FTO: variants seen among roughly 807,000 people sequenced by gnomAD.
FTO encodes the protein alpha-ketoglutarate-dependent dioxygenase FTO.
In FTO, 47 loss-of-function variants were observed where a neutral mutation model predicts 63.9. The observed-to-expected ratio is 0.74, with a 90% CI of 0.58 to 0.94. The LOEUF is 0.94. Among genes scored for constraint, FTO ranks in the 40% least tolerant of loss-of-function variants. The probability of loss-of-function intolerance (pLI) is 0.00; values close to 1 mark genes in which losing one functional copy is unlikely to be tolerated. For missense variants in FTO, 562 were observed against 618.1 expected, an observed-to-expected ratio of 0.91 and a Z score of 0.96; for synonymous variants, 207 against 224.4, an observed-to-expected ratio of 0.92 and a Z score of 0.69.
chr16:53,772,041 T>C (rs960327327), intron 1 of FTO, among the ~76,000 whole-genome samples: 1 of 152,132 alleles, frequency 6.6e-6, no homozygotes, highest in Non-Finnish European at 1.5e-5. Flanking sequence ...GTGGTGACGA[T>C]TGCATAACTC....
intron 8 of FTO, among the ~76,000 whole-genome samples, chr16:54,107,654 C>CT (rs56077980): frequency 0.26 from 38,960 of 152,094 alleles, 5,609 homozygotes; most frequent in Middle Eastern, 0.4. Flanking sequence ...CAGGAAATAA[C>CT]TGACAGCAAG....
At chr16:53,810,269 T>TTA (rs1186815508) in intron 2 of FTO, 52 bp downstream of exon 2, 1 of 1,278,364 alleles carries the variant, frequency 7.8e-7, no homozygotes, top group African/African-American at 1.5e-5. Context: ...CTGATCAACC[T>TTA]TATTTTACCT....
intron 8 of FTO, chr16:54,070,600 T>G (rs142142348): frequency 6.6e-6 from 1 of 152,202 alleles, no homozygotes; most frequent in African/African-American, 2.4e-5. Flanking sequence ...TTCTTACTTA[T>G]AGGGTCAAAA....
chr16:53,902,636 G>A (rs909807526), intron 7 of FTO, among the ~76,000 whole-genome samples: 2 of 152,128 alleles, frequency 1.3e-5, no homozygotes, highest in Non-Finnish European at 2.9e-5. Context: ...CTCCTTCTCT[G>A]GCAGCATCCT....
intron 8 of FTO, among the ~76,000 whole-genome samples, chr16:54,062,930 T>G (rs980634010): frequency 1.3e-5 from 2 of 152,220 alleles, no homozygotes; most frequent in Admixed American, 6.5e-5. Context: ...AGAGATGGAC[T>G]GCAACCCCAG....
intron 3 of FTO, among the ~76,000 whole-genome samples, chr16:53,829,537 A>C (rs1436424212): frequency 6.6e-6 from 1 of 152,268 alleles, no homozygotes; most frequent in Non-Finnish European, 1.5e-5. Context: ...AATCCTTGGC[A>C]GAATGCCAGA....
Position 53,880,004 on chromosome 16 carries a change from T to A in FTO, c.1119+17T>A. ...CATAATGAGGTAAGGACTTTCTTTT[T>A]TTTTTTTTGAGATGGAGTCTCGCTC... On this transcript the variant is annotated intron_variant, in intron 6 of 8. Coordinates refer to ENST00000471389, the MANE Select transcript of FTO (RefSeq NM_001080432.3). 1 of 1,607,754 alleles carries A rather than the reference T, an allele frequency of 6.2e-7. No homozygotes were observed. Among genetic ancestry groups the A allele is most frequent in the Non-Finnish European group, 8.5e-7 (1 of 1,175,556 alleles).
intron 8 of FTO, among the ~76,000 whole-genome samples, chr16:54,019,805 A>T (rs532757859): frequency 9.2e-5 from 14 of 152,200 alleles, no homozygotes; most frequent in Admixed American, 2.0e-4. Flanking sequence ...ACTTTGAATT[A>T]CTCAGGCTCT....
intron 1 of FTO, among the ~76,000 whole-genome samples, chr16:53,758,855 A>G (rs888741443): frequency 8.5e-5 from 13 of 152,244 alleles, no homozygotes; most frequent in African/African-American, 3.1e-4. Flanking sequence ...CACACTGTTA[A>G]TTTTGTTAGT....
At chr16:54,011,817 G>A (rs1295421329) in intron 8 of FTO, among the ~76,000 whole-genome samples, 3 of 152,064 alleles carry the variant, frequency 2.0e-5, no homozygotes, top group African/African-American at 7.2e-5. Context: ...TTGTTTTGGG[G>A]CACAATGACC....
chr16:53,927,882 A>C (rs2082185738), intron 7 of FTO, among the ~76,000 whole-genome samples: 2 of 152,248 alleles, frequency 1.3e-5, no homozygotes, highest in Admixed American at 1.3e-4. Context: ...GTGATTGTTC[A>C]GTGGTTGCCT....
intron 2 of FTO, among the ~76,000 whole-genome samples, chr16:53,815,537 G>T (rs2078650837): frequency 1.3e-5 from 2 of 149,962 alleles, no homozygotes; most frequent in South Asian, 4.2e-4. Flanking sequence ...GAACTGACTT[G>T]TACCTCCTTG....
chr16:54,051,265 C>T (rs932593904), intron 8 of FTO, among the ~76,000 whole-genome samples: 1 of 152,042 alleles, frequency 6.6e-6, no homozygotes, highest in Admixed American at 6.5e-5. Context: ...CCCAGCTGGC[C>T]GGTGTCATGG....
At chr16:53,926,615 C>T (rs12932428) in intron 7 of FTO, among the ~76,000 whole-genome samples, 82,882 of 152,064 alleles carry the variant, frequency 0.55, 23,146 homozygotes, top group East Asian at 0.85. Context: ...GGTGGAAGGA[C>T]GTAGTTTGTG....
chr16:54,009,014 C>A (rs2084278160), intron 8 of FTO, among the ~76,000 whole-genome samples: 1 of 151,500 alleles, frequency 6.6e-6, no homozygotes, highest in African/African-American at 2.4e-5. Context: ...CCTGTCCCCC[C>A]CCCAAAAAAA....
chr16:53,924,913 T>G (rs1200864968), intron 7 of FTO, among the ~76,000 whole-genome samples: 1 of 152,090 alleles, frequency 6.6e-6, no homozygotes, highest in Non-Finnish European at 1.5e-5. Flanking sequence ...AAGGCATCAC[T>G]CAGCATTGAG....
chr16:53,707,205 G>A (rs2075645405), intron 1 of FTO, among the ~76,000 whole-genome samples: 1 of 152,172 alleles, frequency 6.6e-6, no homozygotes, highest in Non-Finnish European at 1.5e-5. Context: ...AGGACTCTAG[G>A]GGAAACTCCT....
At chr16:53,909,544 T>G in intron 7 of FTO, among the ~76,000 whole-genome samples, 1 of 143,088 alleles carries the variant, frequency 7.0e-6, no homozygotes, top group Non-Finnish European at 1.5e-5. Flanking sequence ...TTTTTTTTTT[T>G]TTTTTTTTTT....
chr16:54,055,442 G>A (rs2085409581), intron 8 of FTO, among the ~76,000 whole-genome samples: 3 of 152,318 alleles, frequency 2.0e-5, no homozygotes, highest in Middle Eastern at 3.4e-3. Flanking sequence ...ATGGCAACGA[G>A]CTATGTCTAG....
Sources: allele counts gnomAD v4.1 joint callset (sites outside exome capture counted in the v4.1 genomes callset), GRCh38; gene constraint gnomAD v4.1.1; transcripts MANE v1.5; gene names NCBI Gene and HGNC (gene_info 2026-07-23, HGNC 2026-07-21).